The following FGF13 variants were observed in gnomAD, a reference collection of about 807,000 sequenced individuals.
FGF13 encodes the protein fibroblast growth factor 13.
Under a neutral mutation model 19.5 loss-of-function variants are expected in FGF13, and 2 were observed. That is an observed-to-expected ratio of 0.10 (90% CI 0.04 to 0.32). The LOEUF is 0.32. Ranked by LOEUF, FGF13 falls within the 10% of genes least tolerant of loss-of-function variation. The pLI is 1.00. For missense variants in FGF13, 113 were observed against 192.7 expected (o/e 0.59, Z 2.45); for synonymous variants, 72 against 76.9 (o/e 0.94, Z 0.33).
upstream of FGF13, chrX:139,204,906 G>A (rs1435632784): frequency 9.0e-6 from 1 of 111,381 alleles, no homozygotes; most frequent in East Asian, 2.9e-4. Flanking sequence ...AGGAGTGGGA[G>A]ACGATGGCCC....
chrX:138,854,188 T>C (rs187772532), downstream of FGF13, among the ~76,000 whole-genome samples: 3 of 112,236 alleles, frequency 2.7e-5, no homozygotes, highest in East Asian at 8.4e-4. Flanking sequence ...TGTGTGCACT[T>C]CTTCAGCCAA....
At chrX:138,930,772 A>G (rs1051267700) in intron 1 of FGF13, among the ~76,000 whole-genome samples, 1 of 111,771 alleles carries the variant, frequency 8.9e-6, no homozygotes, top group African/African-American at 3.3e-5. Flanking sequence ...GGACACACAC[A>G]GTTCAAACCA....
At chrX:139,020,593 C>T (rs1012388651) in intron 1 of FGF13, among the ~76,000 whole-genome samples, 3 of 111,352 alleles carry the variant, frequency 2.7e-5, no homozygotes, top group African/African-American at 9.8e-5. Context: ...TTAGCATTGA[C>T]GAAGAGATCA....
At chrX:139,042,258 CTAA>C (rs1489233466) in intron 1 of FGF13, among the ~76,000 whole-genome samples, 1 of 111,981 alleles carries the variant, frequency 8.9e-6, no homozygotes, top group Non-Finnish European at 1.9e-5. Flanking sequence ...GTGGCCCACA[CTAA>C]TGTGATATCC....
intron 3 of FGF13, among the ~76,000 whole-genome samples, chrX:138,831,312 C>T (rs891858196): frequency 2.7e-5 from 3 of 110,856 alleles, no homozygotes; most frequent in Non-Finnish European, 3.8e-5. Flanking sequence ...AGAAAGGCAA[C>T]CTCAGAGAAT....
chrX:138,633,137 T>C (rs2124090980), intron 4 of FGF13, 151 bp from the exon 5 acceptor site: 1 of 448,183 alleles, frequency 2.2e-6, no homozygotes, highest in African/African-American at 2.4e-5. Context: ...GATTTAGCTA[T>C]TCCACAATGT....
chrX:139,103,440 A>G (rs906588492), intron 1 of FGF13, among the ~76,000 whole-genome samples: 3 of 112,217 alleles, frequency 2.7e-5, no homozygotes, highest in Non-Finnish European at 5.6e-5. Context: ...GACACATATT[A>G]TAAGTCTACC....
At chrX:138,847,751 T>C (rs1602951720) in intron 3 of FGF13, among the ~76,000 whole-genome samples, 1 of 112,129 alleles carries the variant, frequency 8.9e-6, no homozygotes, top group East Asian at 2.8e-4. Context: ...TAAAGCCTCC[T>C]AATCATGTCA....
intron 1 of FGF13, among the ~76,000 whole-genome samples, chrX:138,967,913 C>A (rs1020492954): frequency 1.8e-5 from 2 of 110,894 alleles, no homozygotes; most frequent in Admixed American, 1.9e-4. Context: ...TGAGAAGAGG[C>A]AAACTGGAAA....
At chrX:138,702,871 A>T in intron 3 of FGF13, 113 bp downstream of exon 3, 1 of 493,802 alleles carries the variant, frequency 2.0e-6, no homozygotes, top group East Asian at 3.5e-5. Context: ...ATTTCCATCA[A>T]CATTCTTCTC....
chrX:139,072,276 T>TAC (rs761988012), intron 1 of FGF13, among the ~76,000 whole-genome samples: 8,118 of 98,922 alleles, frequency 0.082, 303 homozygotes, highest in East Asian at 0.12. Context: ...TCTCTCTCTC[T>TAC]ACACACACAC....
At chrX:138,831,145 T>C (rs972719707) in intron 3 of FGF13, among the ~76,000 whole-genome samples, 1 of 111,636 alleles carries the variant, frequency 9.0e-6, no homozygotes, top group Non-Finnish European at 1.9e-5. Flanking sequence ...ACGCTAATTG[T>C]TCAGGTGTGT....
chrX:138,681,915 A>T (rs2089732901), intron 3 of FGF13, among the ~76,000 whole-genome samples: 1 of 112,015 alleles, frequency 8.9e-6, no homozygotes, highest in Non-Finnish European at 1.9e-5. Flanking sequence ...CAAAACAATT[A>T]TAAGAGTAAC....
At chrX:138,755,082 G>A (rs1353219788) in intron 3 of FGF13, among the ~76,000 whole-genome samples, 1 of 111,584 alleles carries the variant, frequency 9.0e-6, no homozygotes, top group African/African-American at 3.3e-5. Context: ...ACCTGGGGGT[G>A]ATCTTAGAAG....
chrX:139,083,821 A>G (rs920136029), intron 1 of FGF13, among the ~76,000 whole-genome samples: 2 of 111,397 alleles, frequency 1.8e-5, no homozygotes, highest in Non-Finnish European at 3.8e-5. Context: ...CAGTAAGCCG[A>G]GATCCCGCCA....
At chrX:138,980,357 A>G (rs967383362) in intron 1 of FGF13, among the ~76,000 whole-genome samples, 6 of 111,825 alleles carry the variant, frequency 5.4e-5, no homozygotes, top group African/African-American at 2.0e-4. Flanking sequence ...TCCTTGAAAC[A>G]TGTAGCATCC....
intron 3 of FGF13, among the ~76,000 whole-genome samples, chrX:138,799,355 T>C (rs765668180): frequency 4.5e-5 from 5 of 112,156 alleles, no homozygotes; most frequent in South Asian, 7.4e-4. Context: ...TCAGTTTCCA[T>C]GTAGTTGTGC....
At chrX:138,759,558 G>C (rs1182388326) in intron 3 of FGF13, among the ~76,000 whole-genome samples, 1 of 112,014 alleles carries the variant, frequency 8.9e-6, no homozygotes. Flanking sequence ...GGTTTCCAGG[G>C]GAGATGCAGT....
intron 3 of FGF13, among the ~76,000 whole-genome samples, chrX:138,843,222 T>G (rs2091161168): frequency 8.9e-6 from 1 of 112,191 alleles, no homozygotes; most frequent in South Asian, 3.7e-4. Flanking sequence ...GCATGTTAAA[T>G]GTAACCTTCT....
Sources: allele counts gnomAD v4.1 joint callset (sites outside exome capture counted in the v4.1 genomes callset), GRCh38; gene constraint gnomAD v4.1.1; transcripts MANE v1.5; gene names NCBI Gene and HGNC (gene_info 2026-07-23, HGNC 2026-07-21).